The following TBC1D5 variants were observed in gnomAD, a reference collection of about 807,000 sequenced individuals.
The protein encoded by TBC1D5 is TBC1 domain family member 5, also known as TBC1 domain family, member 5.
TBC1D5 carries 75 observed loss-of-function variants against 100.3 expected under a neutral mutation model. That is an observed-to-expected ratio of 0.75 (90% confidence interval 0.62 to 0.91). The LOEUF is 0.91. TBC1D5 is among the 40% of genes least tolerant of loss of function. The probability of loss-of-function intolerance (pLI) is 0.00; values close to 1 mark genes in which losing one functional copy is unlikely to be tolerated. For missense variants in TBC1D5, 910 were observed against 942.4 expected (o/e 0.97, Z 0.45); for synonymous variants, 323 against 325.6 (o/e 0.99, Z 0.09).
intron 15 of TBC1D5, among the ~76,000 whole-genome samples, chr3:17,263,599 T>C (rs2078558371): frequency 6.6e-6 from 1 of 152,104 alleles, no homozygotes; most frequent in South Asian, 2.1e-4. Context: ...AGCTTTTTCT[T>C]CAGCATTTTA....
At chr3:17,615,567 T>C (rs2062076018) in intron 2 of TBC1D5, among the ~76,000 whole-genome samples, 3 of 152,206 alleles carry the variant, frequency 2.0e-5, no homozygotes, top group Admixed American at 1.3e-4. Flanking sequence ...TTTCAGAGCC[T>C]GTTATTGTTC....
chr3:17,648,749 A>G (rs1368873431), intron 1 of TBC1D5, among the ~76,000 whole-genome samples: 2 of 152,226 alleles, frequency 1.3e-5, no homozygotes, highest in African/African-American at 4.8e-5. Context: ...ACTGATCATT[A>G]GAGAAATGCA....
chr3:17,411,864 T>A (rs1283752376), intron 4 of TBC1D5, among the ~76,000 whole-genome samples: 4 of 152,172 alleles, frequency 2.6e-5, no homozygotes, highest in African/African-American at 9.6e-5. Context: ...TTTAAATTTA[T>A]TCATGGGTAC....
chr3:17,639,050 A>T (rs1308649821), intron 1 of TBC1D5, among the ~76,000 whole-genome samples: 1 of 152,184 alleles, frequency 6.6e-6, no homozygotes, highest in East Asian at 1.9e-4. Flanking sequence ...ATATTCACAC[A>T]AAGACTTGAG....
intron 7 of TBC1D5, among the ~76,000 whole-genome samples, chr3:17,404,100 C>T (rs1415527449): frequency 6.6e-6 from 1 of 152,026 alleles, no homozygotes; most frequent in Non-Finnish European, 1.5e-5. Flanking sequence ...TCTATAAATA[C>T]TTACGTATTG....
At chr3:17,495,123 G>C (rs1329721279) in intron 3 of TBC1D5, among the ~76,000 whole-genome samples, 1 of 152,142 alleles carries the variant, frequency 6.6e-6, no homozygotes, top group African/African-American at 2.4e-5. Flanking sequence ...AGAGAACCTG[G>C]ATACCTCTGT....
At chr3:17,575,210 G>C (rs984256907) in intron 2 of TBC1D5, 3 of 151,892 alleles carry the variant, frequency 2.0e-5, no homozygotes, top group African/African-American at 7.3e-5. Context: ...TACCTGTAGT[G>C]GGGGCTGAGG....
Position 17,618,527 on chromosome 3 carries a change from T to C in TBC1D5, c.-36+5322A>G, listed in dbSNP as rs577832786. Among the ~76,000 whole-genome samples the C allele has an allele frequency of 7.5e-4, 114 of 152,328 alleles. 1 individual carries two copies. Among genetic ancestry groups the C allele is most frequent in the South Asian group, 1.7e-3 (8 of 4,826 alleles). ...ACAGAGGTGGAGTCTATAGAGGCAA[T>C]AGAACTTGCTGAGCTGCACTGGGCT... On this transcript the variant is annotated intron_variant, in intron 2 of 21. Coordinates refer to ENST00000253692, the Ensembl canonical transcript of TBC1D5.
At chr3:17,699,214 TA>T (rs1352923406) in intron 1 of TBC1D5, among the ~76,000 whole-genome samples, 1 of 109,932 alleles carries the variant, frequency 9.1e-6, no homozygotes, top group Non-Finnish European at 1.9e-5. Flanking sequence ...TATGCAGCCA[TA>T]AAAAATGATG....
At chr3:17,430,643 G>A (rs1459503414) in intron 3 of TBC1D5, among the ~76,000 whole-genome samples, 2 of 151,810 alleles carry the variant, frequency 1.3e-5, no homozygotes, top group Non-Finnish European at 3.0e-5. Context: ...TTTTGAAGCG[G>A]GAAAAACGCT....
intron 13 of TBC1D5, among the ~76,000 whole-genome samples, chr3:17,313,185 TG>T (rs895542807): frequency 3.3e-5 from 5 of 152,228 alleles, no homozygotes; most frequent in Admixed American, 2.6e-4. Context: ...GAGGGGACTA[TG>T]GGGATGAAAG....
At chr3:17,673,778 C>T (rs1484660618) in intron 1 of TBC1D5, among the ~76,000 whole-genome samples, 1 of 152,090 alleles carries the variant, frequency 6.6e-6, no homozygotes, top group Non-Finnish European at 1.5e-5. Context: ...TAATTTAAAT[C>T]TAAGACACTA....
At chr3:17,544,064 T>A (rs978946233) in intron 2 of TBC1D5, among the ~76,000 whole-genome samples, 6 of 151,840 alleles carry the variant, frequency 4.0e-5, no homozygotes, top group Non-Finnish European at 7.4e-5. Context: ...AAGACAGGGT[T>A]TCACCATGTT....
intron 18 of TBC1D5, among the ~76,000 whole-genome samples, chr3:17,192,672 T>C (rs895182842): frequency 1.3e-5 from 2 of 152,270 alleles, no homozygotes; most frequent in African/African-American, 4.8e-5. Flanking sequence ...ATGTCACATT[T>C]ATGCTATCCA....
chr3:17,471,619 C>T (rs2095374010), intron 3 of TBC1D5, among the ~76,000 whole-genome samples: 1 of 115,956 alleles, frequency 8.6e-6, no homozygotes, highest in Non-Finnish European at 1.6e-5. Flanking sequence ...TGCAGTGAGC[C>T]GAGATTGCGC....
At chr3:17,647,434 G>A (rs974998096) in intron 1 of TBC1D5, among the ~76,000 whole-genome samples, 2 of 152,156 alleles carry the variant, frequency 1.3e-5, no homozygotes, top group African/African-American at 4.8e-5. Context: ...CGTAGGGAAA[G>A]GAGCAAGGTT....
chr3:17,446,937 C>T (rs1451771892), intron 3 of TBC1D5, among the ~76,000 whole-genome samples: 1 of 151,446 alleles, frequency 6.6e-6, no homozygotes, highest in Non-Finnish European at 1.5e-5. Flanking sequence ...CACCACTGCA[C>T]TCCAGCCTGG....
chr3:17,402,420 T>C (rs906020110), intron 8 of TBC1D5, among the ~76,000 whole-genome samples: 6 of 152,144 alleles, frequency 3.9e-5, no homozygotes, highest in Non-Finnish European at 7.4e-5. Context: ...CTAACATTTA[T>C]ATAATGATTT....
intron 1 of TBC1D5, among the ~76,000 whole-genome samples, chr3:17,735,848 G>T (rs961624960): frequency 6.6e-6 from 1 of 152,206 alleles, no homozygotes; most frequent in Non-Finnish European, 1.5e-5. Context: ...CGAAAGCTCA[G>T]CTCGAGAAGT....
Sources: gnomAD v4.1 joint callset for allele counts (sites outside exome capture counted in the v4.1 genomes callset) on GRCh38, gnomAD v4.1.1 for gene constraint, MANE v1.5 for transcripts, NCBI Gene and HGNC (gene_info 2026-07-23, HGNC 2026-07-21) for gene names.